Variants in SLC25A27 observed in about 807,000 individuals in gnomAD.
SLC25A27 encodes the protein solute carrier family 25 member 27, also known as mitochondrial uncoupling protein 4.
A neutral mutation model predicts 49.1 loss-of-function variants in SLC25A27; 35 were observed. The observed-to-expected ratio is 0.71, with a 90% CI of 0.54 to 0.95. SLC25A27 has a LOEUF of 0.95. Among genes scored for constraint, SLC25A27 ranks in the 40% least tolerant of loss-of-function variants. SLC25A27 has a pLI of 0.00. For missense variants in SLC25A27, 339 were observed against 397.1 expected (o/e 0.85, Z 1.24); for synonymous variants, 144 against 136.9 (o/e 1.05, Z -0.36).
intron 4 of SLC25A27, 61 bp from the exon 5 acceptor site, chr6:46,664,713 C>A: frequency 1.2e-6 from 1 of 801,916 alleles, no homozygotes; most frequent in Admixed American, 2.6e-5. Context: ...GAAGCTTATC[C>A]AGTTGAATTT....
At position 46,658,905 on chromosome 6, in the gene SLC25A27, A is replaced by G. The variant is rs150256290; in HGVS notation, c.299-57A>G. On this transcript the variant is annotated intron_variant, in intron 2 of 8. Transcript: ENST00000371347. ...GAATGTCCTCTTATTTTATACATAC[A>G]TAAGCATATAGATACATATAGCCAA... The G allele has an allele frequency of 3.8e-3, 4,304 of 1,134,210 alleles. 14 individuals are homozygous for G. Among genetic ancestry groups the G allele is most frequent in the Non-Finnish European group, 4.7e-3 (3,477 of 741,848 alleles). 70.3% of individuals were successfully genotyped at this position (1,134,210 alleles called of 1,614,324 possible). A position where few individuals can be genotyped will look rare whatever the true frequency, so the allele number is the denominator to read the frequency against.
At position 46,671,213 on chromosome 6, in the gene SLC25A27, A is replaced by G. The variant is rs1392418048; in HGVS notation, c.885A>G (p.Pro295=). The G allele has an allele frequency of 2.6e-6, 4 of 1,564,114 alleles. No individual in the cohort carries two copies. Among genetic ancestry groups the G allele is most frequent in the African/African-American group, 2.8e-5 (2 of 71,700 alleles). Residue 295 remains proline, a synonymous_variant, in exon 8 of 9, where the codon CCA becomes CCG. Transcript: ENST00000371347. ...GFMSLYKGFL[P]SWLRMTPWSM... The stretch of plus-strand genomic sequence containing the variant: ...TGAGTCTATATAAAGGCTTTTTACC[A>G]TCTTGGCTGAGAATGGTAAAGTTAG...
At chr6:46,654,407 T>G (rs192073003) in intron 1 of SLC25A27, among the ~76,000 whole-genome samples, 2 of 152,344 alleles carry the variant, frequency 1.3e-5, no homozygotes, top group East Asian at 3.9e-4. Flanking sequence ...ATTTTTACTT[T>G]TCATTGTTTT....
intron 1 of SLC25A27, among the ~76,000 whole-genome samples, chr6:46,654,940 C>T (rs1369153101): frequency 2.6e-5 from 4 of 152,118 alleles, no homozygotes; most frequent in African/African-American, 7.2e-5. Context: ...TGTTCATGAA[C>T]TTGTCTGAAT....
chr6:46,672,359 T>C (rs928419217), intron 8 of SLC25A27, among the ~76,000 whole-genome samples: 3 of 151,856 alleles, frequency 2.0e-5, no homozygotes, highest in Non-Finnish European at 4.4e-5. Flanking sequence ...AAGGACCATA[T>C]GAGCCAGAAG....
At chr6:46,671,351 T>C (rs564957701) in intron 8 of SLC25A27, 123 bp downstream of exon 8, 188 of 507,582 alleles carry the variant, frequency 3.7e-4, no homozygotes, top group Admixed American at 1.0e-3. Context: ...CAAGGTCCTT[T>C]CTTTCTTTTT....
At chr6:46,670,931 C>T (rs1166199526) in intron 7 of SLC25A27, among the ~76,000 whole-genome samples, 195 bp from the exon 8 acceptor site, 1 of 152,060 alleles carries the variant, frequency 6.6e-6, no homozygotes, top group South Asian at 2.1e-4. Flanking sequence ...GGGGTTTCAC[C>T]GTGTTAGCCA....
chr6:46,660,230 CTGTGTGTGTG>C (rs140354056), intron 3 of SLC25A27, among the ~76,000 whole-genome samples: 1 of 147,310 alleles, frequency 6.8e-6, no homozygotes, highest in Non-Finnish European at 1.5e-5. Flanking sequence ...ACCTCTGTGT[CTGTGTGTGTG>C]TGTGTGTGTG....
In SLC25A27 at chr6:46,668,808, A is replaced by T; in HGVS notation, c.704+15A>T. On this transcript the variant is annotated intron_variant, in intron 6 of 8. Transcript: ENST00000371347. Reference sequence around the variant, plus strand: ...GGTTTATCAAGGTAAGGATTGTTTTAGTTGGACTCTGTTTTTTTTTTTTGT... The same window carrying T: ...GGTTTATCAAGGTAAGGATTGTTTTTGTTGGACTCTGTTTTTTTTTTTTGT... The T allele has an allele frequency of 6.9e-7, 1 of 1,449,528 alleles. No individual in the cohort carries two copies. Among genetic ancestry groups the T allele is most frequent in the Non-Finnish European group, 9.6e-7 (1 of 1,041,820 alleles). 89.8% of individuals were successfully genotyped at this position (1,449,528 alleles called of 1,614,324 possible).
chr6:46,666,154 G>T (rs560360085), intron 5 of SLC25A27, among the ~76,000 whole-genome samples: 1 of 151,988 alleles, frequency 6.6e-6, no homozygotes, highest in Admixed American at 6.6e-5. Context: ...CTCAGCTAAG[G>T]TGTCTTCTTC....
chr6:46,658,499 AT>A, intron 2 of SLC25A27: 2 of 449,008 alleles, frequency 4.5e-6, no homozygotes, highest in South Asian at 3.2e-5. Context: ...ATGTATCTTT[AT>A]TTAATGAAAA....
intron 6 of SLC25A27, among the ~76,000 whole-genome samples, chr6:46,669,546 T>G (rs1763444619): frequency 6.6e-6 from 1 of 152,168 alleles, no homozygotes; most frequent in Admixed American, 6.5e-5. Flanking sequence ...AAAAGTGTAA[T>G]AGTGTCAAGT....
intron 7 of SLC25A27, 142 bp downstream of exon 7, chr6:46,670,369 T>A: frequency 1.7e-6 from 1 of 602,920 alleles, no homozygotes; most frequent in Non-Finnish European, 2.9e-6. Flanking sequence ...TTTATGCAAT[T>A]ACCTGCTCTT....
intron 4 of SLC25A27, 110 bp downstream of exon 4, chr6:46,662,608 G>A: frequency 8.4e-7 from 1 of 1,184,298 alleles, no homozygotes; most frequent in Admixed American, 2.3e-5. Context: ...TATTACTTCT[G>A]ACTTTTTTAA....
intron 4 of SLC25A27, among the ~76,000 whole-genome samples, chr6:46,664,504 T>G (rs1471778585): frequency 6.6e-6 from 1 of 152,212 alleles, no homozygotes; most frequent in Admixed American, 6.5e-5. Context: ...GGTATTTTTA[T>G]CCATTTAATA....
At position 46,655,872 on chromosome 6, in the gene SLC25A27, C is replaced by G. The variant is rs772948449; in HGVS notation, c.136C>G (p.Arg46Gly). The G allele has an allele frequency of 7.4e-6, 12 of 1,612,594 alleles. No individual in the cohort carries two copies. Among genetic ancestry groups the G allele is most frequent in the Non-Finnish European group, 1.0e-5 (12 of 1,179,544 alleles). ...ATFPLDLTKT[R>G]LQMQGEAALA... is the part of the protein sequence containing the mutation. ...CTTTCCCCTGGATCTCACAAAAACT[C>G]GACTCCAAATGCAAGGAGAAGCAGC... The change falls in exon 2 of 9, where the codon CGA becomes GGA. Residue 46 changes from arginine (R) to glycine (G), a missense_variant. Physicochemically the swap from Arg to Gly is moderately radical, Grantham distance 125 (BLOSUM62 -2). Coordinates refer to ENST00000371347, the MANE Select transcript of SLC25A27 (RefSeq NM_004277.5).
chr6:46,653,088 C>T lies in SLC25A27; in HGVS notation c.-105C>T. On this transcript the variant is annotated 5_prime_UTR_variant, in exon 1 of 9. Coordinates refer to ENST00000371347, the MANE Select transcript of SLC25A27 (RefSeq NM_004277.5). ...ACGAGGGAAATGGTCCTCACCCGGC[C>T]ACTCGCCGGTTGAAAAGGGGCCGCC... The T allele has an allele frequency of 8.4e-6, 9 of 1,065,570 alleles. No homozygotes were observed. Among genetic ancestry groups the T allele is most frequent in the Non-Finnish European group, 1.3e-5 (9 of 713,668 alleles). 66.0% of individuals were successfully genotyped at this position (1,065,570 alleles called of 1,614,324 possible).
chr6:46,663,216 G>GA (rs546537020), intron 4 of SLC25A27, among the ~76,000 whole-genome samples: 125 of 152,166 alleles, frequency 8.2e-4, no homozygotes, highest in African/African-American at 3.0e-3. Context: ...ACCTTTCCCA[G>GA]AAAAAAGGTA....
chr6:46,670,073 C>A, intron 6 of SLC25A27, 62 bp from the exon 7 acceptor site: 2 of 1,003,472 alleles, frequency 2.0e-6, no homozygotes, highest in Non-Finnish European at 1.5e-6. Context: ...ATACCACATT[C>A]CCTTTCCTAA....
Sources: gnomAD v4.1 joint callset for allele counts (sites outside exome capture counted in the v4.1 genomes callset) on GRCh38, gnomAD v4.1.1 for gene constraint, MANE v1.5 for transcripts, NCBI Gene and HGNC (gene_info 2026-07-23, HGNC 2026-07-21) for gene names.